The following COBL variants were observed in gnomAD, a reference collection of about 807,000 sequenced individuals.
COBL encodes cordon-bleu WH2 repeat protein.
A neutral mutation model predicts 98.8 loss-of-function variants in COBL; 51 were observed. The observed-to-expected ratio is 0.52, with a 90% confidence interval of 0.41 to 0.65. The LOEUF is 0.65. Ranked by LOEUF, COBL falls within the 30% of genes least tolerant of loss-of-function variation. The pLI is 0.00. For synonymous variants in COBL, 634 were observed against 651.7 expected (o/e 0.97, Z 0.41); for missense variants, 1,617 against 1,617.5 (o/e 1.00, Z 0.01).
intron 6 of COBL, among the ~76,000 whole-genome samples, chr7:51,102,586 T>C (rs1317043145): frequency 1.3e-5 from 2 of 152,204 alleles, no homozygotes; most frequent in Non-Finnish European, 2.9e-5. Context: ...TCTGTACACA[T>C]ACATTAGGTT....
intron 1 of COBL, among the ~76,000 whole-genome samples, chr7:51,222,508 T>C (rs2129091885): frequency 6.6e-6 from 1 of 152,274 alleles, no homozygotes; most frequent in African/African-American, 2.4e-5. Flanking sequence ...ACTGACAAAC[T>C]GAAGACAATT....
At chr7:51,271,358 C>T (rs1046550367) in intron 1 of COBL, among the ~76,000 whole-genome samples, 3 of 152,194 alleles carry the variant, frequency 2.0e-5, no homozygotes, top group Non-Finnish European at 4.4e-5. Flanking sequence ...TTTTTGTAAA[C>T]CCACTGGCTG....
chr7:51,232,629 G>T (rs1794859017), intron 1 of COBL, among the ~76,000 whole-genome samples: 1 of 152,178 alleles, frequency 6.6e-6, no homozygotes, highest in African/African-American at 2.4e-5. Flanking sequence ...GGCTAACACA[G>T]TGAAACCCTG....
chr7:51,024,047 C>T (rs1305561892), intron 12 of COBL, among the ~76,000 whole-genome samples: 1 of 152,174 alleles, frequency 6.6e-6, no homozygotes, highest in Admixed American at 6.5e-5. Context: ...CAGTGGCTCA[C>T]GCCTGTAATC....
At chr7:51,218,576 C>A (rs1326806959) in intron 2 of COBL, among the ~76,000 whole-genome samples, 2 of 152,202 alleles carry the variant, frequency 1.3e-5, no homozygotes, top group Admixed American at 6.5e-5. Flanking sequence ...TGGGTTCAAG[C>A]AATTATCCTG....
intron 1 of COBL, among the ~76,000 whole-genome samples, chr7:51,279,714 C>T (rs2129174795): frequency 6.6e-6 from 1 of 152,310 alleles, no homozygotes; most frequent in East Asian, 1.9e-4. Context: ...TGTACAATGA[C>T]ACGTATTCAT....
intron 1 of COBL, among the ~76,000 whole-genome samples, chr7:51,295,846 T>C (rs559475382): frequency 6.6e-6 from 1 of 152,296 alleles, no homozygotes; most frequent in Non-Finnish European, 1.5e-5. Context: ...CCCTCCTAAG[T>C]GATCAATGAA....
intron 2 of COBL, among the ~76,000 whole-genome samples, chr7:51,212,684 G>A (rs1047435212): frequency 7.2e-5 from 11 of 152,170 alleles, no homozygotes; most frequent in African/African-American, 1.9e-4. Flanking sequence ...TTAGGACTGC[G>A]TACTCATCGA....
chr7:51,020,395 G>C (rs1263439572), intron 12 of COBL, among the ~76,000 whole-genome samples: 1 of 152,168 alleles, frequency 6.6e-6, no homozygotes. Flanking sequence ...CTGGCTGAGA[G>C]GTCCTGAGGG....
chr7:51,153,561 G>A (rs755755627), intron 5 of COBL, among the ~76,000 whole-genome samples: 16 of 152,288 alleles, frequency 1.1e-4, no homozygotes, highest in Non-Finnish European at 2.1e-4. Flanking sequence ...AGCATGCTCC[G>A]TGACCTACAA....
intron 6 of COBL, among the ~76,000 whole-genome samples, chr7:51,092,029 G>C (rs189567633): frequency 6.6e-6 from 1 of 152,222 alleles, no homozygotes; most frequent in Non-Finnish European, 1.5e-5. Context: ...TGCACAGCAA[G>C]AGGTGAGTGG....
chr7:51,242,728 T>C (rs893092469), intron 1 of COBL, among the ~76,000 whole-genome samples: 1 of 152,214 alleles, frequency 6.6e-6, no homozygotes, highest in Non-Finnish European at 1.5e-5. Context: ...ACCCACCATC[T>C]GCTCTGTTCT....
chr7:51,167,051 G>A (rs1215742197), intron 5 of COBL, among the ~76,000 whole-genome samples: 1 of 152,096 alleles, frequency 6.6e-6, no homozygotes, highest in Non-Finnish European at 1.5e-5. Flanking sequence ...AACATGACAA[G>A]GATGCCCACT....
intron 6 of COBL, among the ~76,000 whole-genome samples, chr7:51,124,922 G>A (rs999242717): frequency 5.9e-5 from 9 of 152,020 alleles, no homozygotes; most frequent in African/African-American, 1.7e-4. Context: ...GGTGATTCTC[G>A]TGTCTCAGCT....
At chr7:51,240,068 T>C (rs969547604) in intron 1 of COBL, among the ~76,000 whole-genome samples, 3 of 152,240 alleles carry the variant, frequency 2.0e-5, no homozygotes, top group African/African-American at 7.2e-5. Flanking sequence ...ATTATTTTCC[T>C]GTTAATTTTT....
chr7:51,104,801 T>C (rs1182990725), intron 6 of COBL, among the ~76,000 whole-genome samples: 1 of 152,102 alleles, frequency 6.6e-6, no homozygotes, highest in Non-Finnish European at 1.5e-5. Flanking sequence ...CTGGTTAAGT[T>C]TCTTGAGGCT....
At chr7:51,066,006 C>T (rs1397632642) in intron 7 of COBL, among the ~76,000 whole-genome samples, 1 of 152,182 alleles carries the variant, frequency 6.6e-6, no homozygotes, top group African/African-American at 2.4e-5. Flanking sequence ...CTTCCAGCCT[C>T]CAGGACAGTG....
At chr7:51,250,632 G>C in intron 1 of COBL, among the ~76,000 whole-genome samples, 1 of 152,292 alleles carries the variant, frequency 6.6e-6, no homozygotes, top group Middle Eastern at 3.4e-3. Context: ...GAAATTTCTA[G>C]TTCATATATT....
intron 1 of COBL, among the ~76,000 whole-genome samples, chr7:51,294,033 A>G (rs1801159658): frequency 6.6e-6 from 1 of 152,178 alleles, no homozygotes. Context: ...GCTCATGCCT[A>G]TAATCTCAGC....
Sources: allele counts gnomAD v4.1 joint callset (sites outside exome capture counted in the v4.1 genomes callset), GRCh38; gene constraint gnomAD v4.1.1; transcripts MANE v1.5; gene names NCBI Gene and HGNC (gene_info 2026-07-23, HGNC 2026-07-21).